ZNRF1: variants seen among roughly 807,000 people sequenced by gnomAD.
ZNRF1 encodes the protein zinc and ring finger 1.
A neutral mutation model predicts 18.4 loss-of-function variants in ZNRF1; 3 were observed. The ratio of observed to expected loss-of-function variants is 0.16; its 90% CI spans 0.07 to 0.42. The LOEUF (loss-of-function observed/expected upper bound fraction) is 0.42, where lower values mean the gene tolerates loss of function less well. Among genes scored for constraint, ZNRF1 ranks in the 10% least tolerant of loss-of-function variants. ZNRF1 has a pLI of 0.99. For missense variants in ZNRF1, 310 were observed against 329.8 expected, an observed-to-expected ratio of 0.94 and a Z score of 0.47; for synonymous variants, 157 against 144.2, an observed-to-expected ratio of 1.09 and a Z score of -0.64.
At chr16:75,006,150 A>G (rs1324508409) in intron 1 of ZNRF1, among the ~76,000 whole-genome samples, 1 of 152,190 alleles carries the variant, frequency 6.6e-6, no homozygotes, top group Non-Finnish European at 1.5e-5. Context: ...TGGTATCTTA[A>G]TATTTTAGAC....
intron 1 of ZNRF1, among the ~76,000 whole-genome samples, chr16:75,042,909 T>A (rs1042548291): frequency 1.3e-5 from 2 of 152,218 alleles, no homozygotes. Flanking sequence ...GTATTAGCGT[T>A]CTTCCAGGTT....
intron 1 of ZNRF1, among the ~76,000 whole-genome samples, chr16:75,035,385 G>T (rs917722179): frequency 2.0e-5 from 3 of 152,054 alleles, no homozygotes; most frequent in African/African-American, 4.8e-5. Flanking sequence ...TCTTTTTTGA[G>T]ACATCTTACT....
intron 1 of ZNRF1, among the ~76,000 whole-genome samples, chr16:75,050,544 C>T (rs977523389): frequency 4.0e-5 from 6 of 149,030 alleles, no homozygotes; most frequent in African/African-American, 1.2e-4. Context: ...ATCAATCGAT[C>T]GTGTGTTCCT....
chr16:75,028,318 G>C (rs1168716712), intron 1 of ZNRF1, among the ~76,000 whole-genome samples: 1 of 152,038 alleles, frequency 6.6e-6, no homozygotes. Context: ...TTTTTGAGAC[G>C]GAGTTTCACT....
rs895082306 is a variant in ZNRF1 at position 74,999,582 on chromosome 16, C to A, written c.-90C>A. 2.9e-6 allele frequency: 3 copies of A among 1,021,760 alleles called. No homozygotes were observed. The highest frequency in any genetic ancestry group is 3.3e-5 in the African/African-American group (2 of 59,906). The allele number at this position is 1,021,760 out of a possible 1,614,324, so 63.3% of individuals were successfully genotyped here. A position where few individuals can be genotyped will look rare whatever the true frequency, so the allele number is the denominator to read the frequency against. On this transcript the variant is annotated 5_prime_UTR_variant, in exon 1 of 5. Transcript: ENST00000335325. ...GGGTCTCCTTTTTGACTCCCTCCCCCTTTATGCTCGCCCAGCCCTCCCCCT... is the reference window on the plus strand; with the variant it reads ...GGGTCTCCTTTTTGACTCCCTCCCCATTTATGCTCGCCCAGCCCTCCCCCT...
intron 1 of ZNRF1, among the ~76,000 whole-genome samples, chr16:75,040,272 A>G (rs1027311234): frequency 1.3e-5 from 2 of 151,524 alleles, no homozygotes; most frequent in African/African-American, 4.8e-5. Context: ...TTATTGTTTT[A>G]AAACAAGGGC....
At chr16:75,069,909 A>G (rs2035850181) in intron 1 of ZNRF1, among the ~76,000 whole-genome samples, 1 of 152,112 alleles carries the variant, frequency 6.6e-6, no homozygotes, top group South Asian at 2.1e-4. Flanking sequence ...TTCCCCTTGT[A>G]GAGTTCATGT....
At chr16:75,031,150 T>C (rs1166876401) in intron 1 of ZNRF1, among the ~76,000 whole-genome samples, 2 of 148,414 alleles carry the variant, frequency 1.3e-5, no homozygotes, top group South Asian at 2.2e-4. Context: ...TTTTTTTTTT[T>C]AGACAGAGTC....
At chr16:75,044,053 TCCA>T (rs2035483727) in intron 1 of ZNRF1, among the ~76,000 whole-genome samples, 2 of 152,136 alleles carry the variant, frequency 1.3e-5, no homozygotes, top group South Asian at 4.1e-4. Context: ...CCTCAGGTGA[TCCA>T]CCCGCCTCAG....
At chr16:75,010,432 A>G (rs2034979765) in intron 1 of ZNRF1, among the ~76,000 whole-genome samples, 1 of 152,250 alleles carries the variant, frequency 6.6e-6, no homozygotes, top group African/African-American at 2.4e-5. Flanking sequence ...CATTTTGCTC[A>G]AAATAAAGAA....
chr16:75,013,836 A>T (rs1567465815), intron 1 of ZNRF1, among the ~76,000 whole-genome samples: 1 of 148,744 alleles, frequency 6.7e-6, no homozygotes, highest in Non-Finnish European at 1.5e-5. Flanking sequence ...ATTTAATTTT[A>T]TTTTTTTTTT....
rs76236634 is a variant in ZNRF1, at chr16:75,022,833, G to A, written c.424+22738G>A. Among the ~76,000 whole-genome samples the A allele has an allele frequency of 3.0e-3, 464 of 152,260 alleles. 3 individuals carry two copies. Among genetic ancestry groups the A allele is most frequent in the Middle Eastern group, 0.017 (5 of 294 alleles). On this transcript the variant is annotated intron_variant, in intron 1 of 4. Coordinates refer to ENST00000335325, the MANE Select transcript of ZNRF1 (RefSeq NM_032268.5). ...GGTAAATGTGTAATTTCAGAAAATG[G>A]ATCAAGTGAACTTGCCCTTGTGCTG...
At position 74,999,893 on chromosome 16, in the gene ZNRF1, C is replaced by A. The variant is rs749247980; in HGVS notation, c.222C>A (p.Pro74=). 7 of 1,541,644 alleles carry A rather than the reference C, an allele frequency of 4.5e-6. No individual in the cohort carries two copies. The South Asian group carries it at 7.1e-5, about 16-fold the overall frequency. The change falls in exon 1 of 5, where the codon CCC becomes CCA. Residue 74 remains proline, a synonymous_variant. Transcript: ENST00000335325. ...AGGVPFGLYT[P]ASRGTGDSER... is the part of the protein sequence containing the mutation. Reference sequence around the variant, plus strand: ...GGGTGCCCTTTGGCCTCTACACCCCCGCCTCCCGGGGCACCGGCGACTCCG... The same window carrying A: ...GGGTGCCCTTTGGCCTCTACACCCCAGCCTCCCGGGGCACCGGCGACTCCG...
intron 1 of ZNRF1, among the ~76,000 whole-genome samples, chr16:75,003,393 G>C (rs1034824032): frequency 1.3e-5 from 2 of 152,182 alleles, no homozygotes; most frequent in Non-Finnish European, 2.9e-5. Context: ...CCTGCACTGT[G>C]CCTGCCACTC....
At chr16:75,067,445 G>A (rs1431991597) in intron 1 of ZNRF1, among the ~76,000 whole-genome samples, 1 of 152,138 alleles carries the variant, frequency 6.6e-6, no homozygotes, top group Non-Finnish European at 1.5e-5. Flanking sequence ...AATACAGTCT[G>A]CTACAAGTAA....
At chr16:75,092,053 C>T (rs1007036809) in intron 1 of ZNRF1, among the ~76,000 whole-genome samples, 1 of 152,042 alleles carries the variant, frequency 6.6e-6, no homozygotes, top group Non-Finnish European at 1.5e-5. Context: ...AATCCTAGCA[C>T]TTTGGGAGGC....
chr16:75,050,128 C>T (rs1809750319), intron 1 of ZNRF1, among the ~76,000 whole-genome samples: 1 of 152,144 alleles, frequency 6.6e-6, no homozygotes, highest in African/African-American at 2.4e-5. Context: ...TAGCATAATT[C>T]TCCAAACTCT....
At chr16:75,092,752 A>G (rs796836981) in intron 1 of ZNRF1, among the ~76,000 whole-genome samples, 27 of 152,320 alleles carry the variant, frequency 1.8e-4, no homozygotes, top group African/African-American at 6.3e-4. Context: ...TTAAGCCACA[A>G]AGGAGGCAGA....
At chr16:75,068,966 C>G (rs999266934) in intron 1 of ZNRF1, among the ~76,000 whole-genome samples, 1 of 151,920 alleles carries the variant, frequency 6.6e-6, no homozygotes, top group African/African-American at 2.4e-5. Flanking sequence ...CCCACCCCCT[C>G]CTCCCTCTCT....
Sources: allele counts gnomAD v4.1 joint callset (sites outside exome capture counted in the v4.1 genomes callset), GRCh38; gene constraint gnomAD v4.1.1; transcripts MANE v1.5; gene names NCBI Gene and HGNC (gene_info 2026-07-23, HGNC 2026-07-21).